Variants in SPAG9 observed in about 807,000 individuals in gnomAD.
SPAG9 encodes C-Jun-amino-terminal kinase-interacting protein 4.
SPAG9 carries 35 observed loss-of-function variants against 166.5 expected under a neutral mutation model. That is an observed-to-expected ratio of 0.21 (90% CI 0.16 to 0.28). SPAG9 has a LOEUF of 0.28. SPAG9 is among the 10% of genes least tolerant of loss of function. The pLI is 1.00. For missense variants in SPAG9, 1,235 were observed against 1,603.3 expected, an observed-to-expected ratio of 0.77 and a Z score of 3.92; for synonymous variants, 534 against 565.5, an observed-to-expected ratio of 0.94 and a Z score of 0.79.
chr17:51,105,637 A>G (rs2048926485), intron 1 of SPAG9, among the ~76,000 whole-genome samples: 3 of 151,172 alleles, frequency 2.0e-5, no homozygotes, highest in Non-Finnish European at 4.4e-5. Flanking sequence ...TTGGGAGGCG[A>G]GGTGGGCAGA....
At chr17:51,111,859 T>A (rs1289859841) in intron 1 of SPAG9, among the ~76,000 whole-genome samples, 1 of 152,132 alleles carries the variant, frequency 6.6e-6, no homozygotes, top group African/African-American at 2.4e-5. Context: ...CACCTCGGCC[T>A]CCCAAAGTGC....
intron 1 of SPAG9, among the ~76,000 whole-genome samples, chr17:51,093,218 C>CA (rs34984698): frequency 2.0e-3 from 302 of 149,082 alleles, no homozygotes; most frequent in Non-Finnish European, 3.3e-3. Flanking sequence ...TTAAAAAAAA[C>CA]AAAAAAATGA....
chr17:51,063,184 G>A (rs571588251), intron 2 of SPAG9, among the ~76,000 whole-genome samples: 34 of 152,238 alleles, frequency 2.2e-4, no homozygotes, highest in African/African-American at 6.7e-4. Context: ...CGAGGCAGGC[G>A]TATCACCTGA....
intron 29 of SPAG9, 141 bp downstream of exon 29, chr17:50,970,566 A>C: frequency 1.6e-6 from 1 of 634,758 alleles, no homozygotes; most frequent in East Asian, 3.1e-5. Context: ...AAAAACAAAA[A>C]CCCACAAAAT....
intron 3 of SPAG9, among the ~76,000 whole-genome samples, chr17:51,053,892 T>TATATATAA (rs2047277896): frequency 9.2e-6 from 1 of 108,278 alleles, no homozygotes; most frequent in Admixed American, 9.2e-5. Context: ...TATATATATA[T>TATATATAA]ATATATAAAA....
intron 13 of SPAG9, among the ~76,000 whole-genome samples, chr17:51,000,572 A>G (rs2044892020): frequency 6.6e-6 from 1 of 151,868 alleles, no homozygotes; most frequent in African/African-American, 2.4e-5. Flanking sequence ...TGTCTCTACT[A>G]AAAAATACAA....
At chr17:51,014,191 T>C (rs1212316021) in intron 9 of SPAG9, 41 bp downstream of exon 9, 5 of 1,550,756 alleles carry the variant, frequency 3.2e-6, no homozygotes, top group African/African-American at 2.7e-5. Context: ...AAAAATCAAT[T>C]TTAAAAACAG....
Position 50,990,438 on chromosome 17 carries a change from G to A in SPAG9, c.2617+12C>T, listed in dbSNP as rs762436590. The A allele has an allele frequency of 6.3e-7, 1 of 1,592,202 alleles. No individual in the cohort carries two copies. Among genetic ancestry groups the A allele is most frequent in the Non-Finnish European group, 8.6e-7 (1 of 1,160,006 alleles). The stretch of plus-strand genomic sequence containing the variant: ...ACTCTATACAGATGGCAGGTAAAGA[G>A]AATGGATATACCTGGTGGTTTATCC... On this transcript the variant is annotated intron_variant, in intron 20 of 29. Transcript: ENST00000262013.
intron 2 of SPAG9, among the ~76,000 whole-genome samples, chr17:51,072,238 A>C (rs1314320823): frequency 6.7e-6 from 1 of 150,176 alleles, no homozygotes; most frequent in East Asian, 2.0e-4. Flanking sequence ...CACCTGGCTA[A>C]TTTTTGTATT....
At chr17:51,077,021 TCTAGCTATCTATCTAG>T (rs2048006869) in intron 2 of SPAG9, among the ~76,000 whole-genome samples, 39 of 76,140 alleles carry the variant, frequency 5.1e-4, no homozygotes, top group African/African-American at 2.5e-3. Flanking sequence ...TAGCTAGCTA[TCTAGCTATCTATCTAG>T]CTATCTAGCT....
intron 1 of SPAG9, among the ~76,000 whole-genome samples, chr17:51,091,891 T>C (rs186723047): frequency 3.1e-4 from 47 of 149,806 alleles, no homozygotes; most frequent in African/African-American, 1.1e-3. Context: ...TGAAGCAAAA[T>C]GCTTTTAAGT....
intron 2 of SPAG9, among the ~76,000 whole-genome samples, chr17:51,057,232 C>T (rs1489347002): frequency 6.6e-6 from 1 of 151,942 alleles, no homozygotes; most frequent in African/African-American, 2.4e-5. Flanking sequence ...TGTGGTGAGG[C>T]AGAGGGTGGT....
chr17:50,977,005 CCA>C, intron 27 of SPAG9, 101 bp downstream of exon 27: 1 of 714,078 alleles, frequency 1.4e-6, no homozygotes, highest in East Asian at 2.6e-5. Flanking sequence ...TAGATCTTTG[CCA>C]TCACTGATTT....
In SPAG9 at chr17:50,974,956, GA is replaced by G. The variant is rs1411701830; in HGVS notation, c.3524-10del. 6.2e-7 allele frequency: 1 copy of G among 1,608,322 alleles called. No individual in the cohort carries two copies. Among genetic ancestry groups the G allele is most frequent in the Non-Finnish European group, 8.5e-7 (1 of 1,178,364 alleles). On this transcript the variant is annotated splice_polypyrimidine_tract_variant and intron_variant, in intron 27 of 29. Transcript: ENST00000262013. Reference sequence around the variant, plus strand: ...ACCTGAGGTTTTATTTGCTGCAACAGAAAAACCAAATACCAAATATTTTCCC... The same window carrying G: ...ACCTGAGGTTTTATTTGCTGCAACAGAAAACCAAATACCAAATATTTTCCC...
At chr17:51,047,592 G>T in intron 3 of SPAG9, 123 bp from the exon 4 acceptor site, 1 of 382,638 alleles carries the variant, frequency 2.6e-6, no homozygotes, top group Non-Finnish European at 4.7e-6. Flanking sequence ...TCGATTCCAA[G>T]TAAGAGAATA....
intron 24 of SPAG9, among the ~76,000 whole-genome samples, chr17:50,984,185 T>C (rs1486739737): frequency 6.6e-6 from 1 of 152,110 alleles, no homozygotes; most frequent in Admixed American, 6.6e-5. Flanking sequence ...CACCCCTCTA[T>C]AGATGAAACA....
At chr17:50,996,718 A>G in intron 15 of SPAG9, 24 bp from the exon 16 acceptor site, 1 of 1,611,668 alleles carries the variant, frequency 6.2e-7, no homozygotes, top group African/African-American at 1.3e-5. Flanking sequence ...AGATTTTCCT[A>G]ATTACATGAA....
chr17:51,062,319 G>A (rs933411537), intron 2 of SPAG9, among the ~76,000 whole-genome samples: 2 of 152,068 alleles, frequency 1.3e-5, no homozygotes, highest in Non-Finnish European at 1.5e-5. Context: ...GGGTACACTC[G>A]TGGTGTTGTA....
intron 2 of SPAG9, among the ~76,000 whole-genome samples, chr17:51,067,270 C>T (rs999113167): frequency 3.9e-5 from 6 of 152,082 alleles, no homozygotes; most frequent in African/African-American, 1.4e-4. Flanking sequence ...GGCCTAAGTC[C>T]CATAAGATGG....
Sources: allele counts gnomAD v4.1 joint callset (sites outside exome capture counted in the v4.1 genomes callset), GRCh38; gene constraint gnomAD v4.1.1; transcripts MANE v1.5; gene names NCBI Gene and HGNC (gene_info 2026-07-23, HGNC 2026-07-21).